GALNTL6: variants seen among roughly 807,000 people sequenced by gnomAD.
The protein encoded by GALNTL6 is polypeptide N-acetylgalactosaminyltransferase like 6, also known as polypeptide N-acetylgalactosaminyltransferase-like 6.
In GALNTL6, 46 loss-of-function variants were observed where a neutral mutation model predicts 73.7. The ratio of observed to expected loss-of-function variants is 0.62; its 90% CI spans 0.49 to 0.80. GALNTL6 has a LOEUF of 0.80. Ranked by LOEUF, GALNTL6 falls within the 30% of genes least tolerant of loss-of-function variation. The pLI, the probability that GALNTL6 is intolerant of heterozygous loss-of-function variation, is 0.00. For missense variants in GALNTL6, 604 were observed against 755.0 expected, an observed-to-expected ratio of 0.80 and a Z score of 2.34; for synonymous variants, 259 against 263.7, an observed-to-expected ratio of 0.98 and a Z score of 0.17.
At chr4:172,559,577 GC>G (rs1736277261) in intron 5 of GALNTL6, among the ~76,000 whole-genome samples, 2 of 151,992 alleles carry the variant, frequency 1.3e-5, no homozygotes, top group Non-Finnish European at 2.9e-5. Context: ...TTACCATTAG[GC>G]CACATAGTTT....
chr4:172,218,026 T>G (rs1271474931), intron 2 of GALNTL6, among the ~76,000 whole-genome samples: 2 of 152,072 alleles, frequency 1.3e-5, no homozygotes, highest in Non-Finnish European at 2.9e-5. Context: ...TAACCCACCG[T>G]TTTTATACTG....
intron 5 of GALNTL6, among the ~76,000 whole-genome samples, chr4:172,520,690 G>A (rs1028706310): frequency 6.6e-6 from 1 of 151,630 alleles, no homozygotes; most frequent in African/African-American, 2.4e-5. Flanking sequence ...AAATTAAACT[G>A]TTTTCTTAGG....
intron 8 of GALNTL6, among the ~76,000 whole-genome samples, chr4:172,921,302 G>A (rs569004654): frequency 3.9e-5 from 6 of 152,102 alleles, no homozygotes; most frequent in Admixed American, 6.6e-5. Flanking sequence ...TGATCATAGT[G>A]CTCCCTTATT....
chr4:171,921,182 A>T (rs2110978845), intron 2 of GALNTL6, among the ~76,000 whole-genome samples: 1 of 152,224 alleles, frequency 6.6e-6, no homozygotes, highest in Admixed American at 6.5e-5. Context: ...TAAATTATGT[A>T]CCAGTAATCA....
intron 12 of GALNTL6, among the ~76,000 whole-genome samples, chr4:173,036,738 A>G (rs1332101113): frequency 6.6e-6 from 1 of 152,210 alleles, no homozygotes; most frequent in Admixed American, 6.5e-5. Flanking sequence ...CTGGACAAAG[A>G]ACAACCTAGT....
chr4:172,959,866 G>A (rs1038354904), intron 10 of GALNTL6, among the ~76,000 whole-genome samples: 1 of 152,208 alleles, frequency 6.6e-6, no homozygotes, highest in South Asian at 2.1e-4. Context: ...CTGGAGGAAT[G>A]CCTGCCTGCT....
chr4:171,905,342 A>G (rs576580449), intron 2 of GALNTL6, among the ~76,000 whole-genome samples: 1 of 152,300 alleles, frequency 6.6e-6, no homozygotes, highest in African/African-American at 2.4e-5. Context: ...AGGGGTTGCA[A>G]TCCTAGTCTC....
intron 5 of GALNTL6, among the ~76,000 whole-genome samples, chr4:172,620,904 A>G (rs1402797375): frequency 1.3e-5 from 2 of 152,190 alleles, no homozygotes; most frequent in African/African-American, 2.4e-5. Flanking sequence ...CTCTGGTTCC[A>G]TTTAGAGTTT....
chr4:172,885,371 G>T (rs941717124), intron 8 of GALNTL6, among the ~76,000 whole-genome samples: 18 of 152,048 alleles, frequency 1.2e-4, no homozygotes, highest in African/African-American at 4.3e-4. Flanking sequence ...TATTATAAAT[G>T]GGATTGTTTT....
At chr4:172,479,606 T>G (rs1733369970) in intron 5 of GALNTL6, among the ~76,000 whole-genome samples, 1 of 152,140 alleles carries the variant, frequency 6.6e-6, no homozygotes, top group Non-Finnish European at 1.5e-5. Context: ...TTAGGTATAA[T>G]GCACACCATT....
At chr4:172,391,591 G>T (rs900721515) in intron 5 of GALNTL6, among the ~76,000 whole-genome samples, 3 of 152,164 alleles carry the variant, frequency 2.0e-5, no homozygotes, top group African/African-American at 7.2e-5. Context: ...GCAGGCCCCT[G>T]TTATTACCAT....
intron 10 of GALNTL6, among the ~76,000 whole-genome samples, chr4:173,004,541 G>T (rs549433934): frequency 2.0e-4 from 31 of 152,240 alleles, no homozygotes; most frequent in African/African-American, 4.8e-4. Flanking sequence ...CAGGAAGATT[G>T]CTTGAACCCA....
chr4:171,914,374 A>G (rs77246509), intron 2 of GALNTL6, among the ~76,000 whole-genome samples: 2,366 of 152,134 alleles, frequency 0.016, 68 homozygotes, highest in African/African-American at 0.055. Context: ...CAGTGCATTT[A>G]CAGGTTAAAA....
intron 3 of GALNTL6, among the ~76,000 whole-genome samples, chr4:172,277,228 G>T (rs954421076): frequency 1.3e-5 from 2 of 151,586 alleles, no homozygotes; most frequent in African/African-American, 2.4e-5. Context: ...GAAGAACGTG[G>T]ATTCATAGTT....
intron 5 of GALNTL6, among the ~76,000 whole-genome samples, chr4:172,789,784 G>C (rs1177700376): frequency 6.6e-6 from 1 of 152,196 alleles, no homozygotes; most frequent in African/African-American, 2.4e-5. Flanking sequence ...CAGAAAGGTG[G>C]GGGAAGATTA....
At chr4:172,958,226 G>A (rs563041958) in intron 10 of GALNTL6, among the ~76,000 whole-genome samples, 107 of 152,340 alleles carry the variant, frequency 7.0e-4, no homozygotes, top group Middle Eastern at 3.4e-3. Flanking sequence ...AAAAGTATTA[G>A]GGCAGCATCA....
At chr4:172,446,893 A>C (rs1043092105) in intron 5 of GALNTL6, among the ~76,000 whole-genome samples, 93 of 151,860 alleles carry the variant, frequency 6.1e-4, no homozygotes, top group African/African-American at 2.1e-3. Flanking sequence ...AATTTCTCTG[A>C]CTCCTGGATG....
chr4:172,459,637 C>A (rs1361135084), intron 5 of GALNTL6, among the ~76,000 whole-genome samples: 2 of 152,040 alleles, frequency 1.3e-5, no homozygotes, highest in African/African-American at 4.8e-5. Context: ...AATAAAATAC[C>A]TAGGAATACA....
chr4:172,021,173 G>A (rs560943877), intron 2 of GALNTL6, among the ~76,000 whole-genome samples: 2 of 152,082 alleles, frequency 1.3e-5, no homozygotes, highest in African/African-American at 4.8e-5. Context: ...TGCAGCTAGT[G>A]TCATATCGAA....
Sources: allele counts gnomAD v4.1 joint callset (sites outside exome capture counted in the v4.1 genomes callset), GRCh38; gene constraint gnomAD v4.1.1; transcripts MANE v1.5; gene names NCBI Gene and HGNC (gene_info 2026-07-23, HGNC 2026-07-21).